Variants in PDE1C observed in about 807,000 individuals in gnomAD.
The protein encoded by PDE1C is phosphodiesterase 1C.
Under a neutral mutation model 93.1 loss-of-function variants are expected in PDE1C, and 62 were observed. The observed-to-expected ratio is 0.67, with a 90% CI of 0.54 to 0.82. The LOEUF is 0.82. Ranked by LOEUF, PDE1C falls within the 40% of genes least tolerant of loss-of-function variation. PDE1C has a pLI of 0.00. For missense variants in PDE1C, 742 were observed against 884.6 expected, an observed-to-expected ratio of 0.84 and a Z score of 2.04; for synonymous variants, 325 against 310.1, an observed-to-expected ratio of 1.05 and a Z score of -0.50.
chr7:31,717,028 G>A, the PDE1C span, among the ~76,000 whole-genome samples: 1 of 152,158 alleles, frequency 6.6e-6, no homozygotes. Context: ...ATAAAATATT[G>A]GAAGCTGATC....
At chr7:32,239,760 T>A (rs1808406196) in intron 1 of PDE1C, among the ~76,000 whole-genome samples, 1 of 152,216 alleles carries the variant, frequency 6.6e-6, no homozygotes, top group African/African-American at 2.4e-5. Flanking sequence ...TATTTGTAAT[T>A]GTGACAATCA....
intron 16 of PDE1C, among the ~76,000 whole-genome samples, chr7:31,797,338 G>A (rs1170216391): frequency 6.6e-6 from 1 of 151,696 alleles, no homozygotes; most frequent in East Asian, 1.9e-4. Flanking sequence ...TACATAGAAG[G>A]CTGCAGTGGG....
intron 16 of PDE1C, chr7:31,790,153 C>A (rs1784411064): frequency 6.3e-7 from 1 of 1,598,288 alleles, no homozygotes; most frequent in African/African-American, 1.4e-5. Context: ...AGATATGGGT[C>A]TTTGTGGAAG....
intron 1 of PDE1C, among the ~76,000 whole-genome samples, chr7:32,253,022 C>A (rs775164209): frequency 3.9e-5 from 6 of 152,072 alleles, no homozygotes; most frequent in Non-Finnish European, 8.8e-5. Context: ...ATAGGTGTAG[C>A]AAATTCAGAG....
At chr7:31,728,410 A>G in the PDE1C span, among the ~76,000 whole-genome samples, 2 of 152,210 alleles carry the variant, frequency 1.3e-5, no homozygotes, top group Non-Finnish European at 2.9e-5. Flanking sequence ...CCATTGGCTA[A>G]TAAGAGTCAT....
At chr7:31,846,174 A>G (rs1166054449) in intron 9 of PDE1C, among the ~76,000 whole-genome samples, 1 of 146,860 alleles carries the variant, frequency 6.8e-6, no homozygotes, top group Non-Finnish European at 1.5e-5. Flanking sequence ...CTCTTAACAT[A>G]TTTTCCAAAC....
At chr7:31,944,456 G>A (rs1008127475) in intron 2 of PDE1C, among the ~76,000 whole-genome samples, 7 of 152,116 alleles carry the variant, frequency 4.6e-5, no homozygotes, top group Admixed American at 6.5e-5. Flanking sequence ...AGGGATGATC[G>A]GTTAGTAATT....
chr7:32,172,156 A>T (rs1022331262), intron 2 of PDE1C, among the ~76,000 whole-genome samples: 2 of 152,044 alleles, frequency 1.3e-5, no homozygotes, highest in Non-Finnish European at 2.9e-5. Flanking sequence ...TACCATTACC[A>T]TTAACCAATT....
At chr7:31,620,044 G>C in the PDE1C span, among the ~76,000 whole-genome samples, 8 of 152,154 alleles carry the variant, frequency 5.3e-5, no homozygotes, top group Non-Finnish European at 7.4e-5. Flanking sequence ...AGGTGGCAGC[G>C]AGGCTGGGGG....
intron 1 of PDE1C, among the ~76,000 whole-genome samples, chr7:32,274,099 A>G (rs1811135793): frequency 6.6e-6 from 1 of 152,312 alleles, no homozygotes; most frequent in East Asian, 1.9e-4. Flanking sequence ...TCTTAGAAAC[A>G]TCTAGTATAA....
intron 1 of PDE1C, among the ~76,000 whole-genome samples, chr7:32,321,021 A>T (rs1422762414): frequency 2.0e-5 from 3 of 152,224 alleles, no homozygotes; most frequent in Non-Finnish European, 4.4e-5. Context: ...GAGAGAACGA[A>T]GGTGAATCTC....
At chr7:32,024,304 T>C (rs1789112750) in intron 2 of PDE1C, among the ~76,000 whole-genome samples, 1 of 151,856 alleles carries the variant, frequency 6.6e-6, no homozygotes. Context: ...AAGTTTTCAA[T>C]ATACCTTTTT....
At chr7:31,858,371 C>A (rs1794276290) in intron 7 of PDE1C, among the ~76,000 whole-genome samples, 1 of 152,062 alleles carries the variant, frequency 6.6e-6, no homozygotes, top group African/African-American at 2.4e-5. Context: ...TAATGCCTGA[C>A]AACACTCAGG....
intron 1 of PDE1C, among the ~76,000 whole-genome samples, chr7:32,306,391 T>C (rs1264522035): frequency 6.6e-6 from 1 of 152,144 alleles, no homozygotes; most frequent in African/African-American, 2.4e-5. Flanking sequence ...TGTGAGTCAT[T>C]ACTCTTCCCT....
chr7:31,745,201 G>C, the PDE1C span, among the ~76,000 whole-genome samples: 1 of 152,136 alleles, frequency 6.6e-6, no homozygotes, highest in South Asian at 2.1e-4. Context: ...TGTCGAGAAG[G>C]TTTCTGAGAC....
At chr7:32,143,745 T>C (rs1045506723) in intron 3 of PDE1C, among the ~76,000 whole-genome samples, 1 of 152,222 alleles carries the variant, frequency 6.6e-6, no homozygotes, top group Non-Finnish European at 1.5e-5. Context: ...TTGTCCTCTT[T>C]TTCTGCCAAA....
chr7:31,799,004 A>G (rs1785658658), intron 16 of PDE1C, among the ~76,000 whole-genome samples: 1 of 151,612 alleles, frequency 6.6e-6, no homozygotes. Context: ...TTTTTGGAAG[A>G]AAGAATAACG....
At chr7:32,377,323 C>T (rs1784450315) in intron 1 of PDE1C, among the ~76,000 whole-genome samples, 2 of 152,188 alleles carry the variant, frequency 1.3e-5, no homozygotes, top group Admixed American at 1.3e-4. Flanking sequence ...CCTCTGTTTT[C>T]CCAAAGCACT....
intron 1 of PDE1C, among the ~76,000 whole-genome samples, chr7:32,317,946 G>A (rs1585106062): frequency 6.6e-6 from 1 of 152,096 alleles, no homozygotes; most frequent in East Asian, 1.9e-4. Flanking sequence ...TATCTCATTT[G>A]ACATAGTCCG....
Sources: gnomAD v4.1 joint callset for allele counts (sites outside exome capture counted in the v4.1 genomes callset) on GRCh38, gnomAD v4.1.1 for gene constraint, MANE v1.5 for transcripts, NCBI Gene and HGNC (gene_info 2026-07-23, HGNC 2026-07-21) for gene names.